Variants in DLG2 observed in about 807,000 individuals in gnomAD.
The protein encoded by DLG2 is disks large homolog 2.
A neutral mutation model predicts 132.5 loss-of-function variants in DLG2; 45 were observed. That is an observed-to-expected ratio of 0.34 (90% confidence interval 0.27 to 0.44). The LOEUF (loss-of-function observed/expected upper bound fraction) is 0.44. Ranked by LOEUF, DLG2 falls within the 20% of genes least tolerant of loss-of-function variation. DLG2 has a pLI of 1.00. For missense variants in DLG2, 1,045 were observed against 1,196.9 expected (o/e 0.87, Z 1.87); for synonymous variants, 424 against 419.6 (o/e 1.01, Z -0.13).
At chr11:84,596,475 G>C (rs1349144724) in intron 6 of DLG2, among the ~76,000 whole-genome samples, 1 of 150,568 alleles carries the variant, frequency 6.6e-6, no homozygotes, top group Non-Finnish European at 1.5e-5. Context: ...TGCTCACCTC[G>C]GTCTCCCAAA....
chr11:83,981,141 T>G (rs1379749720), intron 11 of DLG2, among the ~76,000 whole-genome samples: 2 of 152,196 alleles, frequency 1.3e-5, no homozygotes, highest in African/African-American at 4.8e-5. Flanking sequence ...TGTTCAAAAA[T>G]TGCACAAATT....
At chr11:85,278,948 A>T (rs2078063838) in intron 4 of DLG2, among the ~76,000 whole-genome samples, 1 of 152,224 alleles carries the variant, frequency 6.6e-6, no homozygotes, top group African/African-American at 2.4e-5. Flanking sequence ...TCACTAAGCC[A>T]TTATGAGAAT....
chr11:84,155,191 G>C (rs957794475), intron 9 of DLG2, among the ~76,000 whole-genome samples: 1 of 152,088 alleles, frequency 6.6e-6, no homozygotes, highest in Admixed American at 6.6e-5. Context: ...CTTTTAGAGG[G>C]TTGAGGCTCT....
At chr11:84,686,630 G>GTTTTTT (rs60618412) in intron 6 of DLG2, among the ~76,000 whole-genome samples, 36 of 113,796 alleles carry the variant, frequency 3.2e-4, no homozygotes, top group African/African-American at 5.7e-4. Context: ...TGGCCTTGAG[G>GTTTTTT]TTTTTTTTTT....
intron 3 of DLG2, among the ~76,000 whole-genome samples, chr11:85,500,430 T>C (rs2093771899): frequency 6.9e-6 from 1 of 145,060 alleles, no homozygotes; most frequent in African/African-American, 2.7e-5. Context: ...TTGGGAGATA[T>C]ACCTAATGCT....
chr11:85,264,853 T>C (rs2077123847), intron 4 of DLG2, among the ~76,000 whole-genome samples: 1 of 152,214 alleles, frequency 6.6e-6, no homozygotes, highest in African/African-American at 2.4e-5. Flanking sequence ...ACTTCTGTTC[T>C]AATTTGTTCT....
At chr11:84,119,375 G>A (rs1333946598) in intron 9 of DLG2, among the ~76,000 whole-genome samples, 1 of 151,914 alleles carries the variant, frequency 6.6e-6, no homozygotes, top group African/African-American at 2.4e-5. Flanking sequence ...CAAAGTAGGG[G>A]TGGATGAGAC....
At chr11:84,323,605 G>A (rs1221859721) in intron 7 of DLG2, among the ~76,000 whole-genome samples, 2 of 151,650 alleles carry the variant, frequency 1.3e-5, no homozygotes, top group Non-Finnish European at 2.9e-5. Flanking sequence ...TCATTTTTTG[G>A]GAACCTGCAT....
chr11:83,622,280 C>A (rs1253939598), intron 19 of DLG2, among the ~76,000 whole-genome samples: 1 of 152,148 alleles, frequency 6.6e-6, no homozygotes, highest in Non-Finnish European at 1.5e-5. Context: ...CACCGGGCCC[C>A]TGCAAATTAT....
At chr11:83,899,402 T>C (rs1407878679) in intron 15 of DLG2, among the ~76,000 whole-genome samples, 1 of 152,216 alleles carries the variant, frequency 6.6e-6, no homozygotes. Context: ...TTGGTTCTAC[T>C]TTTAGAACAT....
intron 6 of DLG2, among the ~76,000 whole-genome samples, chr11:84,684,767 G>A (rs1346966864): frequency 6.6e-6 from 1 of 152,076 alleles, no homozygotes; most frequent in Non-Finnish European, 1.5e-5. Flanking sequence ...TGCAAGGCCT[G>A]GCATATAATC....
At chr11:84,449,965 GT>G (rs1208560930) in intron 7 of DLG2, among the ~76,000 whole-genome samples, 13 of 151,784 alleles carry the variant, frequency 8.6e-5, no homozygotes, top group African/African-American at 2.9e-4. Context: ...GTATAAGTAT[GT>G]TTTTAAAGAT....
chr11:85,582,737 CTTATT>C (rs933668643), intron 3 of DLG2, among the ~76,000 whole-genome samples: 2 of 120,878 alleles, frequency 1.7e-5, no homozygotes, highest in African/African-American at 6.1e-5. Context: ...AAGCACAAGG[CTTATT>C]TTGGAAATTA....
chr11:83,794,996 T>C (rs1387027934), intron 17 of DLG2, among the ~76,000 whole-genome samples: 2 of 152,210 alleles, frequency 1.3e-5, no homozygotes, highest in Non-Finnish European at 2.9e-5. Context: ...CTAGAAATTA[T>C]GGCCCAACTT....
intron 7 of DLG2, among the ~76,000 whole-genome samples, chr11:84,398,024 T>C (rs1432318405): frequency 6.6e-6 from 1 of 152,240 alleles, no homozygotes; most frequent in South Asian, 2.1e-4. Flanking sequence ...AATAGTGGAT[T>C]CTGTCTAAGG....
At chr11:84,691,397 G>A (rs188086552) in intron 6 of DLG2, among the ~76,000 whole-genome samples, 15 of 151,574 alleles carry the variant, frequency 9.9e-5, no homozygotes, top group South Asian at 4.2e-4. Flanking sequence ...AAAATTCTAC[G>A]TTAAACTACC....
At chr11:84,382,191 T>A (rs1407510532) in intron 7 of DLG2, among the ~76,000 whole-genome samples, 2 of 152,162 alleles carry the variant, frequency 1.3e-5, no homozygotes, top group Non-Finnish European at 2.9e-5. Context: ...TAGTTCTTCG[T>A]CACTGGATTA....
intron 7 of DLG2, among the ~76,000 whole-genome samples, chr11:84,531,940 A>T (rs2099343312): frequency 1.3e-5 from 2 of 152,008 alleles, no homozygotes; most frequent in South Asian, 4.1e-4. Context: ...GAGCTTTAGA[A>T]AAAGCATACT....
intron 3 of DLG2, among the ~76,000 whole-genome samples, chr11:85,504,686 G>A (rs561214999): frequency 4.6e-5 from 7 of 152,118 alleles, no homozygotes; most frequent in Non-Finnish European, 1.0e-4. Context: ...GGATTGTCTT[G>A]GCAATGCAGG....
Sources: allele counts gnomAD v4.1 joint callset (sites outside exome capture counted in the v4.1 genomes callset), GRCh38; gene constraint gnomAD v4.1.1; transcripts MANE v1.5; gene names NCBI Gene and HGNC (gene_info 2026-07-23, HGNC 2026-07-21).